ZFAND6: variants seen among roughly 807,000 people sequenced by gnomAD.
The protein encoded by ZFAND6 is zinc finger AN1-type containing 6, also known as AN1-type zinc finger protein 6.
A neutral mutation model predicts 24.5 loss-of-function variants in ZFAND6; 12 were observed. The observed-to-expected ratio is 0.49, with a 90% CI of 0.31 to 0.79. ZFAND6 has a LOEUF of 0.79. ZFAND6 is among the 30% of genes least tolerant of loss of function. ZFAND6 has a pLI of 0.04. For synonymous variants in ZFAND6, 92 were observed against 81.5 expected (o/e 1.13, Z -0.69); for missense variants, 207 against 245.9 (o/e 0.84, Z 1.06).
chr15:80,083,427 A>G (rs1467333535), intron 1 of ZFAND6, among the ~76,000 whole-genome samples: 3 of 152,242 alleles, frequency 2.0e-5, no homozygotes, highest in Non-Finnish European at 4.4e-5. Flanking sequence ...GGAAACATGC[A>G]GAGAATTTAT....
chr15:80,081,873 T>G (rs1231870742), intron 1 of ZFAND6, among the ~76,000 whole-genome samples: 1 of 152,222 alleles, frequency 6.6e-6, no homozygotes, highest in East Asian at 1.9e-4. Flanking sequence ...TATAGATGAT[T>G]GCTGTAGAAG....
intron 1 of ZFAND6, among the ~76,000 whole-genome samples, chr15:80,068,705 G>C (rs752770533): frequency 1.6e-4 from 24 of 152,118 alleles, no homozygotes; most frequent in Non-Finnish European, 2.9e-4. Context: ...TAATCTGTCT[G>C]CCTTGGCCTC....
At chr15:80,131,710 C>T (rs2040613379) in intron 6 of ZFAND6, among the ~76,000 whole-genome samples, 1 of 152,200 alleles carries the variant, frequency 6.6e-6, no homozygotes, top group Admixed American at 6.5e-5. Context: ...CCAGTGCTGC[C>T]ACACAGTAAG....
Position 80,087,331 on chromosome 15 carries a change from C to T in ZFAND6, c.-180-11085C>T, listed in dbSNP as rs893912661. On this transcript the variant is annotated intron_variant, in intron 1 of 6. Transcript: ENST00000261749. The stretch of plus-strand genomic sequence containing the variant: ...CTCATCAAAAATCGGTGTGGTCAGT[C>T]TTTTAAATTTTAACCATTTTAGTGG... Among the ~76,000 whole-genome samples, 5 of 152,156 alleles carry T rather than the reference C, an allele frequency of 3.3e-5. 1 individual carries two copies. The highest frequency in any genetic ancestry group is 2.0e-4 in the Admixed American group (3 of 15,272).
At chr15:80,078,145 C>T (rs571737289) in intron 1 of ZFAND6, among the ~76,000 whole-genome samples, 71 of 152,262 alleles carry the variant, frequency 4.7e-4, no homozygotes, top group Middle Eastern at 6.8e-3. Context: ...GATGTACAAA[C>T]AATCCCGTCA....
intron 1 of ZFAND6, among the ~76,000 whole-genome samples, chr15:80,071,292 CTT>C (rs1479938756): frequency 6.6e-6 from 1 of 152,080 alleles, no homozygotes; most frequent in Non-Finnish European, 1.5e-5. Context: ...GGTTTTGTCA[CTT>C]TTTATTTTCT....
At chr15:80,104,418 C>T (rs1216972837) in intron 2 of ZFAND6, among the ~76,000 whole-genome samples, 1 of 152,122 alleles carries the variant, frequency 6.6e-6, no homozygotes, top group Non-Finnish European at 1.5e-5. Flanking sequence ...ACTTGGGAAG[C>T]TGAGGCAGGA....
chr15:80,059,431 G>A (rs1246069776), upstream of ZFAND6: 6 of 152,354 alleles, frequency 3.9e-5, no homozygotes, highest in East Asian at 1.2e-3. Context: ...AGGGACACTG[G>A]AGGTGCAGAA....
chr15:80,076,740 C>T (rs571935079), intron 1 of ZFAND6, among the ~76,000 whole-genome samples: 1 of 152,126 alleles, frequency 6.6e-6, no homozygotes, highest in African/African-American at 2.4e-5. Context: ...GAAGTCCTTT[C>T]CTTTACACAC....
intron 4 of ZFAND6, 52 bp from the exon 5 acceptor site, chr15:80,122,648 A>G: frequency 8.8e-7 from 1 of 1,139,320 alleles, no homozygotes; most frequent in Admixed American, 1.7e-5. Context: ...CACATTAGTT[A>G]ATATTCATGT....
chr15:80,135,428 A>G (rs183301983), intron 6 of ZFAND6, among the ~76,000 whole-genome samples: 133 of 152,336 alleles, frequency 8.7e-4, no homozygotes, highest in South Asian at 2.1e-3. Flanking sequence ...TTAAGAGTCA[A>G]CTGTACTGTG....
chr15:80,098,125 TAAGGA>T (rs1270802165), intron 1 of ZFAND6, among the ~76,000 whole-genome samples: 1 of 152,212 alleles, frequency 6.6e-6, no homozygotes, highest in Non-Finnish European at 1.5e-5. Flanking sequence ...TAGCTAGACT[TAAGGA>T]AAACAGAAAA....
rs1352418714 is a variant in ZFAND6 at position 80,121,695 on chromosome 15, A to G, written c.155-17A>G. The stretch of plus-strand genomic sequence containing the variant: ...GAGCATATAGAATCACTAATACGCA[A>G]TGTGGTACTGTTACAGCAACCTCTG... On this transcript the variant is annotated splice_polypyrimidine_tract_variant and intron_variant, in intron 3 of 6. Coordinates refer to ENST00000261749, the MANE Select transcript of ZFAND6 (RefSeq NM_019006.4). 3 of 1,606,228 alleles carry G rather than the reference A, an allele frequency of 1.9e-6. No homozygotes were observed. The highest frequency in any genetic ancestry group is 2.2e-5 in the East Asian group (1 of 44,806).
At chr15:80,108,920 A>G (rs1596282322) in intron 2 of ZFAND6, among the ~76,000 whole-genome samples, 1 of 151,706 alleles carries the variant, frequency 6.6e-6, no homozygotes, top group Non-Finnish European at 1.5e-5. Flanking sequence ...TAGAGACAGG[A>G]TTTCACCATG....
At chr15:80,099,463 G>A (rs1271157449) in intron 2 of ZFAND6, among the ~76,000 whole-genome samples, 2 of 152,118 alleles carry the variant, frequency 1.3e-5, no homozygotes, top group Non-Finnish European at 2.9e-5. Flanking sequence ...TGGAGTAGAA[G>A]GAATGTTATG....
intron 2 of ZFAND6, among the ~76,000 whole-genome samples, chr15:80,105,782 C>T (rs1261411146): frequency 6.6e-6 from 1 of 152,158 alleles, no homozygotes; most frequent in Non-Finnish European, 1.5e-5. Flanking sequence ...AGTTAAACTT[C>T]CTTTCATGAT....
At chr15:80,123,469 G>A (rs1471654309) in intron 5 of ZFAND6, among the ~76,000 whole-genome samples, 1 of 152,164 alleles carries the variant, frequency 6.6e-6, no homozygotes, top group African/African-American at 2.4e-5. Context: ...TAACAAGGAA[G>A]GATCTCTGGA....
intron 1 of ZFAND6, among the ~76,000 whole-genome samples, chr15:80,079,618 A>G (rs925702058): frequency 1.3e-5 from 2 of 149,934 alleles, no homozygotes; most frequent in African/African-American, 4.9e-5. Flanking sequence ...GATTTATGTG[A>G]TATATAATTT....
At chr15:80,119,504 C>A (rs950961619) in intron 2 of ZFAND6, among the ~76,000 whole-genome samples, 2 of 151,694 alleles carry the variant, frequency 1.3e-5, no homozygotes, top group Non-Finnish European at 2.9e-5. Flanking sequence ...CATTTATTAT[C>A]GGTATTTCCC....
Sources: allele counts gnomAD v4.1 joint callset (sites outside exome capture counted in the v4.1 genomes callset), GRCh38; gene constraint gnomAD v4.1.1; transcripts MANE v1.5; gene names NCBI Gene and HGNC (gene_info 2026-07-23, HGNC 2026-07-21).